The following RIMBP2 variants were observed in gnomAD, a reference collection of about 807,000 sequenced individuals.
RIMBP2 encodes RIMS binding protein 2.
Under a neutral mutation model 118.6 loss-of-function variants are expected in RIMBP2, and 48 were observed. That is an observed-to-expected ratio of 0.40 (90% CI 0.32 to 0.51). RIMBP2 has a LOEUF of 0.51. Ranked by LOEUF, RIMBP2 falls within the 20% of genes least tolerant of loss-of-function variation. The pLI is 0.41. For missense variants in RIMBP2, 1,551 were observed against 1,768.3 expected, an observed-to-expected ratio of 0.88 and a Z score of 2.20; for synonymous variants, 762 against 742.9, an observed-to-expected ratio of 1.03 and a Z score of -0.42.
At chr12:130,439,702 TGTGGGGGTGTCG>T (rs1489683213) in intron 11 of RIMBP2, among the ~76,000 whole-genome samples, 1 of 112,988 alleles carries the variant, frequency 8.9e-6, no homozygotes. Flanking sequence ...TACGTGGGTC[TGTGGGGGTGTCG>T]GTGGGGGTGT....
intron 1 of RIMBP2, among the ~76,000 whole-genome samples, chr12:130,687,509 G>T (rs1188582026): frequency 6.6e-6 from 1 of 152,078 alleles, no homozygotes; most frequent in Non-Finnish European, 1.5e-5. Flanking sequence ...TGTGTGAAAG[G>T]TGGTCTTTGT....
At chr12:130,704,574 C>CAATAAT (rs548192716) in intron 1 of RIMBP2, among the ~76,000 whole-genome samples, 3 of 151,724 alleles carry the variant, frequency 2.0e-5, no homozygotes, top group Non-Finnish European at 4.4e-5. Flanking sequence ...GACTCCATCT[C>CAATAAT]AATAATAATA....
intron 2 of RIMBP2, among the ~76,000 whole-genome samples, chr12:130,537,599 T>G (rs551934686): frequency 1.3e-5 from 2 of 152,332 alleles, no homozygotes; most frequent in East Asian, 3.9e-4. Flanking sequence ...ATAACCAGCC[T>G]ATGCGAAAGA....
At chr12:130,518,990 C>T (rs545575918) in intron 2 of RIMBP2, among the ~76,000 whole-genome samples, 3 of 152,358 alleles carry the variant, frequency 2.0e-5, no homozygotes, top group Admixed American at 2.0e-4. Flanking sequence ...GGAAGAGAAG[C>T]AGAAGGGATA....
chr12:130,664,393 A>ACACGTGCATGCACGCACGCGCATGCACG (rs1566438808), intron 1 of RIMBP2, among the ~76,000 whole-genome samples: 2 of 58,420 alleles, frequency 3.4e-5, no homozygotes, highest in African/African-American at 9.6e-5. Context: ...GCGCATGCAC[A>ACACGTGCATGCACGCACGCGCATGCACG]CACACGCACG....
At chr12:130,573,415 TGTGAGTGTGTGC>T (rs2057842035) in intron 2 of RIMBP2, among the ~76,000 whole-genome samples, 1 of 151,736 alleles carries the variant, frequency 6.6e-6, no homozygotes, top group Non-Finnish European at 1.5e-5. Flanking sequence ...ACTGTGTGCG[TGTGAGTGTGTGC>T]GTGGGTGTGT....
At chr12:130,459,339 C>T (rs138071892) in intron 6 of RIMBP2, among the ~76,000 whole-genome samples, 3 of 152,040 alleles carry the variant, frequency 2.0e-5, no homozygotes, top group Admixed American at 1.3e-4. Context: ...AGTAAATTCC[C>T]CAGCATGCTA....
intron 1 of RIMBP2, among the ~76,000 whole-genome samples, chr12:130,715,372 C>A (rs1157360580): frequency 6.6e-6 from 1 of 152,304 alleles, no homozygotes; most frequent in African/African-American, 2.4e-5. Flanking sequence ...CAGCCGCCAC[C>A]CCGACCTCAG....
chr12:130,544,439 C>T (rs896198449), intron 2 of RIMBP2, among the ~76,000 whole-genome samples: 2 of 152,182 alleles, frequency 1.3e-5, no homozygotes, highest in African/African-American at 4.8e-5. Context: ...ACCAGCAAGA[C>T]TGCCGTAGAG....
chr12:130,602,775 G>A (rs2059949510), intron 2 of RIMBP2, among the ~76,000 whole-genome samples: 2 of 152,224 alleles, frequency 1.3e-5, no homozygotes, highest in Non-Finnish European at 2.9e-5. Flanking sequence ...TTAAGAACGT[G>A]TTTCCATTTT....
chr12:130,412,700 T>C lies in RIMBP2; in HGVS notation c.3508A>G (p.Ile1170Val). Residue 1170 changes from isoleucine to valine, a missense_variant, in exon 19 of 23, where the codon ATA becomes GTA. Coordinates refer to ENST00000690449, the MANE Select transcript of RIMBP2 (RefSeq NM_001393629.1). The part of the protein sequence containing the change: ...GLIPCNMVSE[I>V]QADDEEMMDQ... ...ATCATCTCCTCATCATCTGCTTGTATCTCAGAGACCATGTTACAAGGAATA... is the reference window on the plus strand; with the variant it reads ...ATCATCTCCTCATCATCTGCTTGTACCTCAGAGACCATGTTACAAGGAATA... 6.2e-7 allele frequency: 1 copy of C among 1,613,762 alleles called. No homozygotes were observed. The highest frequency in any genetic ancestry group is 1.1e-5 in the South Asian group (1 of 91,068).
intron 1 of RIMBP2, among the ~76,000 whole-genome samples, chr12:130,659,486 G>A (rs562198584): frequency 5.3e-5 from 8 of 151,632 alleles, no homozygotes; most frequent in South Asian, 2.1e-4. Flanking sequence ...GGAGAATGGC[G>A]TGAACCCGGG....
chr12:130,532,976 TACGTCTA>T (rs2053630203), intron 2 of RIMBP2, among the ~76,000 whole-genome samples: 2 of 146,916 alleles, frequency 1.4e-5, no homozygotes, highest in African/African-American at 2.5e-5. Context: ...CTCTAGGAGT[TACGTCTA>T]ATGAGATGCG....
chr12:130,559,631 T>G (rs79911072), intron 2 of RIMBP2, among the ~76,000 whole-genome samples: 3 of 152,228 alleles, frequency 2.0e-5, no homozygotes, highest in Non-Finnish European at 4.4e-5. Flanking sequence ...AAAAACACGA[T>G]TCCCATTTGT....
At chr12:130,552,077 T>G (rs774194702) in intron 2 of RIMBP2, among the ~76,000 whole-genome samples, 76 of 152,360 alleles carry the variant, frequency 5.0e-4, no homozygotes, top group Non-Finnish European at 9.4e-4. Flanking sequence ...CATAACTGCT[T>G]TAACATCTAT....
intron 2 of RIMBP2, among the ~76,000 whole-genome samples, chr12:130,547,655 C>T (rs1209430024): frequency 6.6e-6 from 1 of 152,232 alleles, no homozygotes; most frequent in Non-Finnish European, 1.5e-5. Flanking sequence ...TACTCTGTCA[C>T]GTCAGCCCCG....
At chr12:130,480,903 C>G (rs4759471) in intron 4 of RIMBP2, among the ~76,000 whole-genome samples, 1 of 152,220 alleles carries the variant, frequency 6.6e-6, no homozygotes, top group Non-Finnish European at 1.5e-5. Context: ...GCCCGACCAC[C>G]TTTTACTCAT....
intron 20 of RIMBP2, 70 bp downstream of exon 20, chr12:130,407,656 G>A: frequency 8.1e-7 from 1 of 1,230,748 alleles, no homozygotes; most frequent in Admixed American, 1.7e-5. Flanking sequence ...CGTGGCCTCA[G>A]TGTGGTGTAC....
chr12:130,613,860 A>T (rs1350302271), intron 2 of RIMBP2, among the ~76,000 whole-genome samples: 1 of 150,470 alleles, frequency 6.6e-6, no homozygotes, highest in Non-Finnish European at 1.5e-5. Context: ...GACAGCTCTC[A>T]TCGGCCTTTT....
Sources: gnomAD v4.1 joint callset for allele counts (sites outside exome capture counted in the v4.1 genomes callset) on GRCh38, gnomAD v4.1.1 for gene constraint, MANE v1.5 for transcripts, NCBI Gene and HGNC (gene_info 2026-07-23, HGNC 2026-07-21) for gene names.